The following DENND1A variants were observed in gnomAD, a reference collection of about 807,000 sequenced individuals.
DENND1A encodes DENN domain containing 1A, also known as DENN domain-containing protein 1A.
In DENND1A, 51 loss-of-function variants were observed where a neutral mutation model predicts 113.7. The observed-to-expected ratio is 0.45, with a 90% CI of 0.36 to 0.57. DENND1A has a LOEUF of 0.57. Among genes scored for constraint, DENND1A ranks in the 20% least tolerant of loss-of-function variants. The pLI is 0.00. For synonymous variants in DENND1A, 565 were observed against 570.8 expected, an observed-to-expected ratio of 0.99 and a Z score of 0.14; for missense variants, 1,258 against 1,395.9, an observed-to-expected ratio of 0.90 and a Z score of 1.57.
chr9:123,550,795 T>G (rs1264591063), intron 13 of DENND1A, among the ~76,000 whole-genome samples: 1 of 152,198 alleles, frequency 6.6e-6, no homozygotes, highest in Non-Finnish European at 1.5e-5. Flanking sequence ...TCAAGGCAAA[T>G]TTTAGAACCA....
Position 123,383,637 on chromosome 9 carries a change from C to T in DENND1A, c.2019+18G>A. 4 of 1,607,182 alleles carry T rather than the reference C, an allele frequency of 2.5e-6. No homozygotes were observed. The highest frequency in any genetic ancestry group is 2.6e-6 in the Non-Finnish European group (3 of 1,175,380). ...AGTGCCGGCCCCCGGCCGATACCCT[C>T]CCTTGCCCATGCCATACCTGATAGT... On this transcript the variant is annotated intron_variant, in intron 23 of 23. Coordinates refer to ENST00000394215, the MANE Select transcript of DENND1A (RefSeq NM_001352964.2).
chr9:123,439,141 G>A (rs959702453), intron 19 of DENND1A, among the ~76,000 whole-genome samples: 17 of 152,210 alleles, frequency 1.1e-4, no homozygotes, highest in Admixed American at 3.3e-4. Context: ...CCTGGAGCTG[G>A]GGGGAGGCAG....
rs538044465 is a variant in DENND1A at position 123,570,399 on chromosome 9, A to C, written c.868-12704T>G. ...GGCAGAAAGTGGATTACAAAGGCCC[A>C]TATTATGGAGCCTGAATTTCACCAA... is the stretch of plus-strand genomic sequence containing the variant. On this transcript the variant is annotated intron_variant, in intron 12 of 23. Transcript: ENST00000394215. 8.1e-4 allele frequency among the ~76,000 whole-genome samples: 124 copies of C among 152,320 alleles called. 2 individuals are homozygous for C. The highest frequency in any genetic ancestry group is 2.3e-3 in the South Asian group (11 of 4,826).
At chr9:123,589,871 A>G (rs190527053) in intron 11 of DENND1A, among the ~76,000 whole-genome samples, 35 of 152,288 alleles carry the variant, frequency 2.3e-4, no homozygotes, top group African/African-American at 7.0e-4. Flanking sequence ...GGGGCAGCTG[A>G]GAGGACACCA....
At chr9:123,586,849 A>T (rs1344695551) in intron 11 of DENND1A, among the ~76,000 whole-genome samples, 1 of 152,110 alleles carries the variant, frequency 6.6e-6, no homozygotes, top group Non-Finnish European at 1.5e-5. Context: ...AGTCAGGGAC[A>T]CTAGCATCTC....
chr9:123,580,678 C>T (rs2058845303), intron 12 of DENND1A, among the ~76,000 whole-genome samples: 1 of 152,174 alleles, frequency 6.6e-6, no homozygotes, highest in African/African-American at 2.4e-5. Context: ...AGGTGCTTGT[C>T]CACTGAAAGG....
chr9:123,452,971 C>G (rs1452708405), intron 16 of DENND1A, among the ~76,000 whole-genome samples: 1 of 152,196 alleles, frequency 6.6e-6, no homozygotes, highest in Non-Finnish European at 1.5e-5. Context: ...AAATCCAACA[C>G]AGCAATTTCT....
chr9:123,638,385 C>T (rs1365424842), intron 9 of DENND1A, among the ~76,000 whole-genome samples: 2 of 152,160 alleles, frequency 1.3e-5, no homozygotes, highest in Non-Finnish European at 2.9e-5. Context: ...GCCAATGTGC[C>T]ACCACTCCTC....
At chr9:123,879,139 G>A (rs577790064) in intron 1 of DENND1A, 118 bp from the exon 2 acceptor site, 90 of 947,190 alleles carry the variant, frequency 9.5e-5, no homozygotes, top group South Asian at 4.5e-4. Flanking sequence ...CTTAATGGCC[G>A]TGGAACTTTG....
At chr9:123,465,397 TGGTG>T (rs1163711755) in intron 13 of DENND1A, among the ~76,000 whole-genome samples, 1 of 148,200 alleles carries the variant, frequency 6.7e-6, no homozygotes, top group African/African-American at 2.5e-5. Flanking sequence ...TGACACAACA[TGGTG>T]GAGTGAGAAT....
chr9:123,457,306 T>C (rs2048197336), intron 15 of DENND1A, 42 bp downstream of exon 15: 1 of 1,485,362 alleles, frequency 6.7e-7, no homozygotes, highest in East Asian at 2.3e-5. Context: ...CCCTAAATGA[T>C]AGCAGCCTGC....
intron 13 of DENND1A, among the ~76,000 whole-genome samples, chr9:123,538,662 ATTAAAAG>A (rs991375096): frequency 1.3e-5 from 2 of 150,578 alleles, no homozygotes; most frequent in African/African-American, 4.9e-5. Context: ...ATAATTAAAA[ATTAAAAG>A]TAATTAAATA....
chr9:123,416,675 A>C (rs2044751649), intron 19 of DENND1A, among the ~76,000 whole-genome samples: 1 of 152,232 alleles, frequency 6.6e-6, no homozygotes, highest in South Asian at 2.1e-4. Flanking sequence ...GGGCCAGGGC[A>C]GGAGGGGAGA....
chr9:123,721,053 T>G (rs1385941694), intron 5 of DENND1A, among the ~76,000 whole-genome samples: 1 of 152,180 alleles, frequency 6.6e-6, no homozygotes, highest in Non-Finnish European at 1.5e-5. Flanking sequence ...GCTTGCTCAC[T>G]TACTCTCCAC....
intron 1 of DENND1A, among the ~76,000 whole-genome samples, chr9:123,884,055 G>A (rs185394731): frequency 5.3e-4 from 81 of 152,178 alleles, no homozygotes; most frequent in Admixed American, 2.2e-3. Context: ...GGAAGCCAAC[G>A]CAGATAGAAG....
At chr9:123,716,488 TCA>T (rs926226223) in intron 5 of DENND1A, among the ~76,000 whole-genome samples, 2 of 152,234 alleles carry the variant, frequency 1.3e-5, no homozygotes, top group African/African-American at 4.8e-5. Flanking sequence ...ACCGCTGTAG[TCA>T]CAGTCCATCA....
intron 9 of DENND1A, among the ~76,000 whole-genome samples, chr9:123,648,907 A>G (rs1292397444): frequency 6.6e-6 from 1 of 152,172 alleles, no homozygotes; most frequent in Admixed American, 6.5e-5. Context: ...TAAAATAAAG[A>G]GCCCATATAC....
chr9:123,591,902 A>C (rs577316373), intron 11 of DENND1A, among the ~76,000 whole-genome samples: 1 of 152,376 alleles, frequency 6.6e-6, no homozygotes, highest in Admixed American at 6.5e-5. Flanking sequence ...ATTAATTCAC[A>C]GTGGACACAG....
chr9:123,698,845 G>A (rs2140563979), intron 5 of DENND1A, among the ~76,000 whole-genome samples: 1 of 152,304 alleles, frequency 6.6e-6, no homozygotes, highest in Middle Eastern at 3.4e-3. Context: ...CAGTGAAGAT[G>A]GATCAAACAT....
Sources: allele counts gnomAD v4.1 joint callset (sites outside exome capture counted in the v4.1 genomes callset), GRCh38; gene constraint gnomAD v4.1.1; transcripts MANE v1.5; gene names NCBI Gene and HGNC (gene_info 2026-07-23, HGNC 2026-07-21).